The following PPP6R2 variants were observed in gnomAD, a reference collection of about 807,000 sequenced individuals.
PPP6R2 encodes protein phosphatase 6 regulatory subunit 2, also known as serine/threonine-protein phosphatase 6 regulatory subunit 2.
In PPP6R2, 62 loss-of-function variants were observed where a neutral mutation model predicts 100.2. The observed-to-expected ratio is 0.62, with a 90% CI of 0.50 to 0.76. The LOEUF (loss-of-function observed/expected upper bound fraction) is 0.76. Among genes scored for constraint, PPP6R2 ranks in the 30% least tolerant of loss-of-function variants. PPP6R2 has a pLI of 0.00. For missense variants in PPP6R2, 1,142 were observed against 1,276.3 expected (o/e 0.89, Z 1.60); for synonymous variants, 525 against 514.7 (o/e 1.02, Z -0.27).
chr22:50,394,600 T>TAAA (rs67708136), intron 3 of PPP6R2, among the ~76,000 whole-genome samples: 3 of 80,564 alleles, frequency 3.7e-5, no homozygotes, highest in African/African-American at 1.1e-4. Flanking sequence ...ACCCTGTCTT[T>TAAA]AAAAAAAAAA....
intron 10 of PPP6R2, among the ~76,000 whole-genome samples, chr22:50,426,284 C>T (rs1041880201): frequency 5.9e-5 from 9 of 152,196 alleles, no homozygotes; most frequent in Non-Finnish European, 1.3e-4. Context: ...CTTTGACACA[C>T]AAGTTTTAAA....
At chr22:50,394,600 TAA>T (rs67708136) in intron 3 of PPP6R2, among the ~76,000 whole-genome samples, 71 of 80,554 alleles carry the variant, frequency 8.8e-4, no homozygotes, top group East Asian at 1.8e-3. Context: ...ACCCTGTCTT[TAA>T]AAAAAAAAAA....
chr22:50,397,981 C>G (rs1424086330), intron 3 of PPP6R2, among the ~76,000 whole-genome samples: 1 of 151,230 alleles, frequency 6.6e-6, no homozygotes, highest in African/African-American at 2.5e-5. Flanking sequence ...GCAGGGGGGC[C>G]TGTCCTCACC....
intron 3 of PPP6R2, among the ~76,000 whole-genome samples, chr22:50,404,996 C>G (rs1312736841): frequency 6.6e-6 from 1 of 152,328 alleles, no homozygotes; most frequent in East Asian, 1.9e-4. Flanking sequence ...CTACCAGTTA[C>G]AAAAGAGGGA....
At chr22:50,335,350 A>G in the PPP6R2 span, among the ~76,000 whole-genome samples, 1 of 149,700 alleles carries the variant, frequency 6.7e-6, no homozygotes, top group African/African-American at 2.5e-5. Context: ...GGTGTGAGCC[A>G]CCGCGCCCAG....
At chr22:50,358,004 T>C (rs1346643292) in intron 1 of PPP6R2, among the ~76,000 whole-genome samples, 1 of 151,838 alleles carries the variant, frequency 6.6e-6, no homozygotes, top group Non-Finnish European at 1.5e-5. Flanking sequence ...TAGGCTGGAG[T>C]GCAGTGGCGT....
At chr22:50,348,767 A>G (rs2044318561) in intron 1 of PPP6R2, among the ~76,000 whole-genome samples, 1 of 152,108 alleles carries the variant, frequency 6.6e-6, no homozygotes, top group South Asian at 2.1e-4. Flanking sequence ...GGGGATGGCT[A>G]TTTATTTAAA....
intron 22 of PPP6R2, chr22:50,443,658 C>A: frequency 1.6e-6 from 1 of 643,058 alleles, no homozygotes; most frequent in Non-Finnish European, 2.6e-6. Flanking sequence ...AATGGACAGG[C>A]AGCTTGTCCC....
At chr22:50,339,262 TTG>T (rs201599951), upstream of PPP6R2, among the ~76,000 whole-genome samples, 2 of 106,442 alleles carry the variant, frequency 1.9e-5, no homozygotes, top group Admixed American at 1.0e-4. Flanking sequence ...TGTTGTGTGA[TTG>T]TGTGGTGTGT....
At chr22:50,434,370 G>A (rs1400576700) in intron 12 of PPP6R2, among the ~76,000 whole-genome samples, 1 of 75,812 alleles carries the variant, frequency 1.3e-5, no homozygotes, top group Non-Finnish European at 2.5e-5. Context: ...GGCAGGGGCC[G>A]GGCATTTGCC....
chr22:50,332,215 A>G, the PPP6R2 span, among the ~76,000 whole-genome samples: 1 of 151,230 alleles, frequency 6.6e-6, no homozygotes, highest in Non-Finnish European at 1.5e-5. Flanking sequence ...AATACTTTTT[A>G]TGTTTCTTCT....
intron 1 of PPP6R2, among the ~76,000 whole-genome samples, chr22:50,365,731 TA>T (rs2048643485): frequency 7.2e-6 from 1 of 138,552 alleles, no homozygotes; most frequent in Non-Finnish European, 1.5e-5. Flanking sequence ...CTTTATTTAT[TA>T]TTATTTTTTT....
At position 50,439,701 on chromosome 22, in the gene PPP6R2, G is replaced by A. The variant is rs2065167780; in HGVS notation, c.2129G>A (p.Gly710Asp). The A allele has an allele frequency of 6.3e-7, 1 of 1,585,146 alleles. No individual in the cohort carries two copies. The highest frequency in any genetic ancestry group is 1.1e-5 in the South Asian group (1 of 87,494). The change falls in exon 20 of 24, where the codon GGC becomes GAC. Residue 710 changes from glycine (G) to aspartate (D), a missense_variant and splice_region_variant. This residue lies in a region of PPP6R2 where 550 missense variants were observed against 517.4 expected (regional missense o/e 1.06). Coordinates refer to ENST00000612753, the MANE Select transcript of PPP6R2 (RefSeq NM_001242898.2). ...EAPPVEGDSE[G>D]AMWTAVFDEP... ...GACCACTGTGTCTCTCCCCCAGCAGGCGCCATGTGGACGGCAGTGTTTGAT... is the reference window on the plus strand; with the variant it reads ...GACCACTGTGTCTCTCCCCCAGCAGACGCCATGTGGACGGCAGTGTTTGAT...
At position 50,395,818 on chromosome 22, in the gene PPP6R2, C is replaced by T. The variant is rs567933706; in HGVS notation, c.227+1683C>T. On this transcript the variant is annotated intron_variant, in intron 3 of 23. Transcript: ENST00000612753. ...CTGGGCTCAAGCAATCCACCCACCT[C>T]GGCCTCCCAAAGTGCTGGGATTATA... 2.5e-4 allele frequency among the ~76,000 whole-genome samples: 38 copies of T among 151,818 alleles called. 1 individual carries two copies. The highest frequency in any genetic ancestry group is 1.7e-3 in the Admixed American group (26 of 15,248).
At chr22:50,403,678 G>A (rs952943513) in intron 3 of PPP6R2, among the ~76,000 whole-genome samples, 7 of 152,072 alleles carry the variant, frequency 4.6e-5, no homozygotes, top group African/African-American at 1.7e-4. Flanking sequence ...CTACTCCATC[G>A]GGCCCCAGCC....
At chr22:50,355,668 C>T (rs1014796306) in intron 1 of PPP6R2, among the ~76,000 whole-genome samples, 11 of 151,342 alleles carry the variant, frequency 7.3e-5, no homozygotes, top group African/African-American at 2.2e-4. Context: ...CTACAGGTGC[C>T]CGCCACCACA....
intron 2 of PPP6R2, among the ~76,000 whole-genome samples, chr22:50,384,110 TC>T (rs1389293613): frequency 2.0e-5 from 3 of 151,934 alleles, no homozygotes; most frequent in African/African-American, 7.3e-5. Flanking sequence ...CTTCTTTCAT[TC>T]ATTTAGTAAA....
In PPP6R2 at chr22:50,393,348, G is replaced by A. The variant is rs2056053412; in HGVS notation, c.-16-545G>A. On this transcript the variant is annotated intron_variant, in intron 2 of 23. Coordinates refer to ENST00000612753, the MANE Select transcript of PPP6R2 (RefSeq NM_001242898.2). The stretch of plus-strand genomic sequence containing the variant: ...GTGAGCGCAGGGTCAGGCAGCATCA[G>A]CTGTCTTGATTTTGACTTGCTGAGT... 8.2e-6 allele frequency: 8 copies of A among 977,166 alleles called. No individual in the cohort carries two copies. In the South Asian group the frequency reaches 2.8e-4, roughly 35 times the overall value. The allele number at this position is 977,166 out of a possible 1,614,324, so 60.5% of individuals were successfully genotyped here.
At chr22:50,376,388 GA>G (rs1358840717) in intron 2 of PPP6R2, among the ~76,000 whole-genome samples, 1 of 152,064 alleles carries the variant, frequency 6.6e-6, no homozygotes, top group Non-Finnish European at 1.5e-5. Flanking sequence ...TCAGGTATTG[GA>G]ATTGTTAGAA....
Sources: gnomAD v4.1 joint callset for allele counts (sites outside exome capture counted in the v4.1 genomes callset) on GRCh38, gnomAD v4.1.1 for gene constraint, gnomAD v4.1.1 regional missense constraint, MANE v1.5 for transcripts, NCBI Gene and HGNC (gene_info 2026-07-23, HGNC 2026-07-21) for gene names.